The following LRRC7 variants were observed in gnomAD, a reference collection of about 807,000 sequenced individuals.
LRRC7 encodes leucine-rich repeat-containing protein 7.
LRRC7 carries 23 observed loss-of-function variants against 175.7 expected under a neutral mutation model. The observed-to-expected ratio is 0.13, with a 90% CI of 0.09 to 0.19. The LOEUF is 0.19. Ranked by LOEUF, LRRC7 falls within the 10% of genes least tolerant of loss-of-function variation. The probability of loss-of-function intolerance (pLI) is 1.00; values close to 1 mark genes in which losing one functional copy is unlikely to be tolerated. For missense variants in LRRC7, 1,354 were observed against 1,904.7 expected, an observed-to-expected ratio of 0.71 and a Z score of 5.38; for synonymous variants, 685 against 680.9, an observed-to-expected ratio of 1.01 and a Z score of -0.09.
At chr1:69,866,797 T>C (rs1684990830) in intron 7 of LRRC7, among the ~76,000 whole-genome samples, 1 of 152,190 alleles carries the variant, frequency 6.6e-6, no homozygotes, top group African/African-American at 2.4e-5. Flanking sequence ...CTCCATTAAA[T>C]TTCCAGTTAG....
chr1:69,828,015 G>A (rs528899370), intron 5 of LRRC7, among the ~76,000 whole-genome samples: 107 of 152,086 alleles, frequency 7.0e-4, no homozygotes, highest in Non-Finnish European at 1.3e-3. Flanking sequence ...TTTTCAAAAT[G>A]ACAAATAAAT....
chr1:69,788,164 A>G (rs61261621), intron 3 of LRRC7, among the ~76,000 whole-genome samples: 526 of 152,264 alleles, frequency 3.5e-3, no homozygotes, highest in African/African-American at 0.012. Context: ...GCAGTCTTCT[A>G]TCCTTCCACT....
At chr1:69,758,569 G>T (rs907621074) in intron 2 of LRRC7, among the ~76,000 whole-genome samples, 4 of 151,932 alleles carry the variant, frequency 2.6e-5, no homozygotes, top group African/African-American at 9.7e-5. Flanking sequence ...TAAATTGTAT[G>T]TTGCAGAATT....
intron 25 of LRRC7, among the ~76,000 whole-genome samples, chr1:70,092,212 G>A (rs552926288): frequency 7.2e-5 from 11 of 152,194 alleles, no homozygotes; most frequent in Admixed American, 7.2e-4. Flanking sequence ...AAATGAAAAT[G>A]TTGAAAAACA....
At chr1:69,945,350 C>A (rs1175153870) in intron 8 of LRRC7, among the ~76,000 whole-genome samples, 4 of 151,962 alleles carry the variant, frequency 2.6e-5, no homozygotes, top group Non-Finnish European at 4.4e-5. Context: ...TGTTTTATTT[C>A]ATTGGTCTAT....
At chr1:69,750,846 A>G (rs900710044) in intron 2 of LRRC7, among the ~76,000 whole-genome samples, 5 of 152,188 alleles carry the variant, frequency 3.3e-5, no homozygotes, top group African/African-American at 1.2e-4. Context: ...GTCACTTCTC[A>G]GAAGGCCCCA....
At chr1:69,585,825 C>A (rs1646381114) in intron 1 of LRRC7, among the ~76,000 whole-genome samples, 1 of 152,158 alleles carries the variant, frequency 6.6e-6, no homozygotes, top group Non-Finnish European at 1.5e-5. Context: ...TCAGAAAGAA[C>A]TACATAAACT....
intron 18 of LRRC7, among the ~76,000 whole-genome samples, chr1:70,033,382 G>A (rs915686094): frequency 2.0e-5 from 3 of 152,142 alleles, no homozygotes; most frequent in Admixed American, 6.5e-5. Context: ...GTTTAGCATA[G>A]TAGCACCGCA....
At position 70,132,738 on chromosome 1, in the gene LRRC7, G is replaced by C. The variant is rs145313973; in HGVS notation, c.*10851G>C. Among the ~76,000 whole-genome samples the C allele has an allele frequency of 7.3e-3, 1,104 of 151,948 alleles. 16 individuals carry two copies. Among genetic ancestry groups the C allele is most frequent in the African/African-American group, 0.025 (1,036 of 41,472 alleles). ...CACCTGCCTCGGACTCCCAAAGTACGGGGATTACAGGCGTGAGACACCGCG... is the reference window on the plus strand; with the variant it reads ...CACCTGCCTCGGACTCCCAAAGTACCGGGATTACAGGCGTGAGACACCGCG... On this transcript the variant is annotated 3_prime_UTR_variant, in exon 27 of 27. Coordinates refer to ENST00000651989, the MANE Select transcript of LRRC7 (RefSeq NM_001370785.2).
intron 7 of LRRC7, among the ~76,000 whole-genome samples, chr1:69,848,078 T>C (rs1682576640): frequency 2.6e-5 from 4 of 152,206 alleles, no homozygotes. Flanking sequence ...TCCCTTAACT[T>C]TCCCACCACT....
chr1:69,802,575 C>A (rs929888859), intron 4 of LRRC7, among the ~76,000 whole-genome samples: 3 of 151,290 alleles, frequency 2.0e-5, no homozygotes, highest in African/African-American at 7.3e-5. Flanking sequence ...AATATCTTTT[C>A]TCATCCCTTT....
chr1:69,858,979 A>G (rs1272046506), intron 7 of LRRC7, among the ~76,000 whole-genome samples: 1 of 152,142 alleles, frequency 6.6e-6, no homozygotes, highest in Non-Finnish European at 1.5e-5. Flanking sequence ...CACAGCACCT[A>G]AGTGCATAAA....
At chr1:69,728,565 A>G (rs56968328) in intron 2 of LRRC7, among the ~76,000 whole-genome samples, 35,948 of 152,140 alleles carry the variant, frequency 0.24, 6,651 homozygotes, top group African/African-American at 0.52. Flanking sequence ...TAAGAGAACT[A>G]GAAAAAGAAA....
At position 69,648,448 on chromosome 1, in the gene LRRC7, C is replaced by G. The variant is rs555338527; in HGVS notation, c.3-29933C>G. ...ATTATTGTCCTTCTTCTGCCTTGCT[C>G]CATGTCCAGGGAGAAGACCTATAGC... On this transcript the variant is annotated intron_variant, in intron 1 of 26. Transcript: ENST00000651989. Among the ~76,000 whole-genome samples the G allele has an allele frequency of 9.2e-5, 14 of 152,180 alleles. 1 individual carries two copies. The South Asian group carries it at 1.0e-3, about 11-fold the overall frequency.
Position 69,738,017 on chromosome 1 carries a change from G to A in LRRC7, c.101-22174G>A, listed in dbSNP as rs565081213. ...TGGACTCTATTGCACTTGTCAAATA[G>A]GAAATCTGACTATTTGGCAGAAACG... On this transcript the variant is annotated intron_variant, in intron 2 of 26. Transcript: ENST00000651989. Among the ~76,000 whole-genome samples the A allele has an allele frequency of 2.6e-5, 4 of 152,112 alleles. No individual in the cohort carries two copies. In the East Asian group the frequency reaches 7.7e-4, roughly 29 times the overall value.
At chr1:69,740,829 C>G (rs1334204486) in intron 2 of LRRC7, among the ~76,000 whole-genome samples, 3 of 151,910 alleles carry the variant, frequency 2.0e-5, no homozygotes, top group Non-Finnish European at 4.4e-5. Flanking sequence ...AGCCCTGTCT[C>G]CAAATACAGT....
chr1:69,752,754 TA>T (rs1669975181), intron 2 of LRRC7, among the ~76,000 whole-genome samples: 1 of 152,142 alleles, frequency 6.6e-6, no homozygotes, highest in Non-Finnish European at 1.5e-5. Context: ...ATATTCAATT[TA>T]AATTGAAAAC....
chr1:70,068,909 A>T (rs555732208), intron 23 of LRRC7, among the ~76,000 whole-genome samples: 1 of 152,142 alleles, frequency 6.6e-6, no homozygotes, highest in Non-Finnish European at 1.5e-5. Flanking sequence ...TTAGAGATGG[A>T]GTCTTACTGT....
At chr1:70,009,039 A>C (rs554188333) in intron 11 of LRRC7, among the ~76,000 whole-genome samples, 158 of 152,322 alleles carry the variant, frequency 1.0e-3, no homozygotes, top group Non-Finnish European at 1.8e-3. Context: ...AAATGTTCAC[A>C]CATTGGAATT....
Sources: allele counts gnomAD v4.1 joint callset (sites outside exome capture counted in the v4.1 genomes callset), GRCh38; gene constraint gnomAD v4.1.1; transcripts MANE v1.5; gene names NCBI Gene and HGNC (gene_info 2026-07-23, HGNC 2026-07-21).